The following MTUS1 variants were observed in gnomAD, a reference collection of about 807,000 sequenced individuals.
The protein encoded by MTUS1 is microtubule-associated tumor suppressor 1.
In MTUS1, 109 loss-of-function variants were observed where a neutral mutation model predicts 120.8. The observed-to-expected ratio is 0.90, with a 90% CI of 0.77 to 1.06. The LOEUF is 1.06. Among genes scored for constraint, MTUS1 ranks in the 50% least tolerant of loss-of-function variants. MTUS1 has a pLI of 0.00. For missense variants in MTUS1, 2,210 were observed against 1,486.3 expected (o/e 1.49, Z -8.01); for synonymous variants, 737 against 550.5 (o/e 1.34, Z -4.74).
At chr8:17,676,182 C>A in intron 7 of MTUS1, 1 of 694,006 alleles carries the variant, frequency 1.4e-6, no homozygotes, top group Non-Finnish European at 2.6e-6. Flanking sequence ...GCAAGAGTTG[C>A]TTGTCATTCA....
In MTUS1 at chr8:17,736,648, G is replaced by A. The variant is rs541052503; in HGVS notation, c.2287+6956C>T. Among the ~76,000 whole-genome samples the A allele has an allele frequency of 3.3e-5, 5 of 151,776 alleles. No individual in the cohort carries two copies. The South Asian group carries it at 6.2e-4, about 19-fold the overall frequency. The stretch of plus-strand genomic sequence containing the variant: ...CACCCAGGCTGGAGTGCAGTGGTGC[G>A]ACCTCAGCTAGCTGCAACCTCCACC... On this transcript the variant is annotated intron_variant, in intron 3 of 14. Transcript: ENST00000693296.
intron 2 of MTUS1, among the ~76,000 whole-genome samples, chr8:17,752,447 A>T (rs1335461161): frequency 6.6e-6 from 1 of 152,246 alleles, no homozygotes; most frequent in African/African-American, 2.4e-5. Context: ...TTAAAAACTA[A>T]ATCTGAGTTT....
At position 17,733,784 on chromosome 8, in the gene MTUS1, T is replaced by G. The variant is rs999154138; in HGVS notation, c.2287+9820A>C. On this transcript the variant is annotated intron_variant, in intron 3 of 14. Transcript: ENST00000693296. The stretch of plus-strand genomic sequence containing the variant: ...CTGACTTTGACCTCAATCTCTACAT[T>G]CTATATTCTGAGCCATAACTCCTCT... 2.0e-5 allele frequency among the ~76,000 whole-genome samples: 3 copies of G among 152,296 alleles called. No homozygotes were observed. The South Asian group carries it at 6.2e-4, about 32-fold the overall frequency.
chr8:17,727,055 TATC>T (rs2046272499), intron 3 of MTUS1, among the ~76,000 whole-genome samples: 1 of 152,122 alleles, frequency 6.6e-6, no homozygotes, highest in African/African-American at 2.4e-5. Flanking sequence ...GGCAACCAAA[TATC>T]ATTTCCCTGA....
At chr8:17,720,886 C>G (rs2045786058) in intron 4 of MTUS1, among the ~76,000 whole-genome samples, 1 of 152,122 alleles carries the variant, frequency 6.6e-6, no homozygotes, top group Admixed American at 6.5e-5. Context: ...AAGATCGTAA[C>G]TTTGAAATTT....
intron 2 of MTUS1, among the ~76,000 whole-genome samples, chr8:17,751,183 G>A (rs2048160300): frequency 6.6e-6 from 1 of 152,172 alleles, no homozygotes; most frequent in African/African-American, 2.4e-5. Flanking sequence ...CCAGGCATGT[G>A]CACCTGTAGT....
At chr8:17,767,707 A>AAAAAAAAAACAAACAAACAAACAACC (rs57053978) in intron 1 of MTUS1, among the ~76,000 whole-genome samples, 1 of 144,444 alleles carries the variant, frequency 6.9e-6, no homozygotes, top group Non-Finnish European at 1.5e-5. Context: ...TCTTAAAAAA[A>AAAAAAAAAACAAACAAACAAACAACC]AAAAAAAAAA....
chr8:17,763,454 G>T (rs534367958), intron 1 of MTUS1, among the ~76,000 whole-genome samples: 1 of 152,294 alleles, frequency 6.6e-6, no homozygotes, highest in South Asian at 2.1e-4. Context: ...TCCACGTGGA[G>T]GGAGTTTAAT....
intron 1 of MTUS1, among the ~76,000 whole-genome samples, chr8:17,799,877 G>C (rs2052540738): frequency 6.6e-6 from 1 of 151,882 alleles, no homozygotes; most frequent in Non-Finnish European, 1.5e-5. Context: ...TTGGTTTTAA[G>C]GATAAGCATG....
At chr8:17,786,544 T>G (rs1029901749) in intron 1 of MTUS1, among the ~76,000 whole-genome samples, 1 of 115,816 alleles carries the variant, frequency 8.6e-6, no homozygotes, top group Non-Finnish European at 2.0e-5. Context: ...TGCAAGCGAC[T>G]CTTTGAAACC....
chr8:17,653,412 G>C lies in MTUS1; in HGVS notation c.3288+13C>G. ...TTTTTGTGGGGGATACTGGGATATTGACATTCACCCACCTCTAGCGATTCC... is the reference window on the plus strand; with the variant it reads ...TTTTTGTGGGGGATACTGGGATATTCACATTCACCCACCTCTAGCGATTCC... On this transcript the variant is annotated intron_variant, in intron 11 of 14. Coordinates refer to ENST00000693296, the MANE Select transcript of MTUS1 (RefSeq NM_001363059.2). The C allele has an allele frequency of 1.3e-6, 2 of 1,594,018 alleles. No homozygotes were observed. The highest frequency in any genetic ancestry group is 8.6e-7 in the Non-Finnish European group (1 of 1,168,636).
chr8:17,696,183 G>A (rs572222398), intron 6 of MTUS1, among the ~76,000 whole-genome samples: 7 of 152,202 alleles, frequency 4.6e-5, no homozygotes, highest in East Asian at 1.9e-4. Context: ...CCCATTTACC[G>A]TCAGCTCAGA....
At chr8:17,776,632 C>A (rs1435608684) in intron 1 of MTUS1, among the ~76,000 whole-genome samples, 1 of 126,408 alleles carries the variant, frequency 7.9e-6, no homozygotes, top group Non-Finnish European at 1.6e-5. Flanking sequence ...TGAGGTGAGA[C>A]TGCACCACGG....
At chr8:17,744,392 C>G (rs1259136378) in intron 2 of MTUS1, among the ~76,000 whole-genome samples, 1 of 152,146 alleles carries the variant, frequency 6.6e-6, no homozygotes, top group Non-Finnish European at 1.5e-5. Flanking sequence ...CCGAGACACT[C>G]CTTTCTATTG....
At chr8:17,741,185 T>C (rs1286250347) in intron 3 of MTUS1, among the ~76,000 whole-genome samples, 1 of 152,028 alleles carries the variant, frequency 6.6e-6, no homozygotes, top group African/African-American at 2.4e-5. Context: ...AGCCCATCTC[T>C]TCATCTTTTT....
chr8:17,745,857 T>C (rs994102732), intron 2 of MTUS1, among the ~76,000 whole-genome samples: 2 of 152,202 alleles, frequency 1.3e-5, no homozygotes, highest in African/African-American at 4.8e-5. Context: ...AAATCTCACA[T>C]CGAATTGTAA....
chr8:17,698,899 G>A (rs1264334994), intron 6 of MTUS1, among the ~76,000 whole-genome samples: 1 of 151,980 alleles, frequency 6.6e-6, no homozygotes, highest in East Asian at 1.9e-4. Flanking sequence ...AATGATCAAG[G>A]AATTAAAATC....
intron 3 of MTUS1, among the ~76,000 whole-genome samples, chr8:17,731,496 T>C (rs942242271): frequency 4.6e-5 from 7 of 152,004 alleles, no homozygotes; most frequent in Non-Finnish European, 1.0e-4. Context: ...CCAAAATAAA[T>C]TAAATTGGAT....
chr8:17,772,757 T>A (rs529387076), intron 1 of MTUS1, among the ~76,000 whole-genome samples: 1 of 152,312 alleles, frequency 6.6e-6, no homozygotes, highest in South Asian at 2.1e-4. Context: ...GATCATCACT[T>A]TGTAAACAGC....
Sources: allele counts gnomAD v4.1 joint callset (sites outside exome capture counted in the v4.1 genomes callset), GRCh38; gene constraint gnomAD v4.1.1; transcripts MANE v1.5; gene names NCBI Gene and HGNC (gene_info 2026-07-23, HGNC 2026-07-21).